PTPRD: variants seen among roughly 807,000 people sequenced by gnomAD.
PTPRD encodes the protein protein tyrosine phosphatase receptor type D.
PTPRD carries 34 observed loss-of-function variants against 214.5 expected under a neutral mutation model. The observed-to-expected ratio is 0.16, with a 90% confidence interval of 0.12 to 0.21. The LOEUF (loss-of-function observed/expected upper bound fraction) is 0.21. PTPRD is among the 10% of genes least tolerant of loss of function. The pLI is 1.00. For missense variants in PTPRD, 2,545 were observed against 2,398.7 expected, an observed-to-expected ratio of 1.06 and a Z score of -1.27; for synonymous variants, 1,128 against 845.7, an observed-to-expected ratio of 1.33 and a Z score of -5.79.
At chr9:10,267,956 A>C (rs892755978) in intron 3 of PTPRD, among the ~76,000 whole-genome samples, 2 of 152,118 alleles carry the variant, frequency 1.3e-5, no homozygotes, top group African/African-American at 4.8e-5. Context: ...AAATTTTGTC[A>C]AAATTTATGC....
At chr9:8,603,855 T>C (rs1048649556) in intron 14 of PTPRD, among the ~76,000 whole-genome samples, 1 of 152,152 alleles carries the variant, frequency 6.6e-6, no homozygotes, top group African/African-American at 2.4e-5. Context: ...AATCCCTTAA[T>C]GGAAAAGCCC....
At chr9:8,433,984 T>C (rs2095228772) in intron 35 of PTPRD, among the ~76,000 whole-genome samples, 2 of 126,296 alleles carry the variant, frequency 1.6e-5, no homozygotes, top group South Asian at 4.7e-4. Context: ...CATTTGTTTG[T>C]TTGCTTGTTT....
intron 39 of PTPRD, among the ~76,000 whole-genome samples, chr9:8,342,864 A>T (rs1352871738): frequency 6.6e-6 from 1 of 152,142 alleles, no homozygotes; most frequent in African/African-American, 2.4e-5. Flanking sequence ...AAGAAAAAGG[A>T]TGTATTAGTT....
At chr9:10,112,306 T>G (rs1313955020) in intron 3 of PTPRD, among the ~76,000 whole-genome samples, 1 of 152,214 alleles carries the variant, frequency 6.6e-6, no homozygotes, top group South Asian at 2.1e-4. Context: ...TCTTATTATC[T>G]TATCCATGGA....
At chr9:9,876,731 A>T (rs1221579635) in intron 5 of PTPRD, among the ~76,000 whole-genome samples, 2 of 152,108 alleles carry the variant, frequency 1.3e-5, no homozygotes, top group Non-Finnish European at 2.9e-5. Context: ...TCTATGTCAG[A>T]ATCATGCAAC....
chr9:9,436,977 C>G (rs556781780), intron 8 of PTPRD, among the ~76,000 whole-genome samples: 3 of 152,074 alleles, frequency 2.0e-5, no homozygotes, highest in East Asian at 1.9e-4. Flanking sequence ...TCTCTGACTA[C>G]TTTCTTCACC....
intron 8 of PTPRD, among the ~76,000 whole-genome samples, chr9:9,427,716 G>A (rs1001624998): frequency 7.2e-5 from 11 of 152,112 alleles, no homozygotes; most frequent in South Asian, 4.1e-4. Flanking sequence ...CTGATCTCTC[G>A]GCAGAAACTC....
At position 8,957,354 on chromosome 9, in the gene PTPRD, C is replaced by A. The variant is rs1255744424; in HGVS notation, c.-104+61343G>T. Among the ~76,000 whole-genome samples the A allele has an allele frequency of 2.0e-5, 3 of 151,750 alleles. No homozygotes were observed. In the East Asian group the frequency reaches 5.8e-4, roughly 29 times the overall value. ...CTTTCCAAGTTGAGAATGCTTTATT[C>A]CACAGCATGGATCTTCATTTTTTTT... On this transcript the variant is annotated intron_variant, in intron 11 of 45. Transcript: ENST00000381196.
rs550629429 is a variant in PTPRD at position 9,126,561 on chromosome 9, T to A, written c.-143+56743A>T. ...ACTTCTAAATAAAGATTCAAAACAT[T>A]TCAAATATTAAACAGTGAAATTAAT... On this transcript the variant is annotated intron_variant, in intron 10 of 45. Coordinates refer to ENST00000381196, the MANE Select transcript of PTPRD (RefSeq NM_002839.4). Among the ~76,000 whole-genome samples the A allele has an allele frequency of 2.5e-4, 38 of 152,322 alleles. 1 individual carries two copies. In the South Asian group the frequency reaches 7.5e-3, roughly 30 times the overall value.
At chr9:8,610,978 G>T (rs1595201854) in intron 14 of PTPRD, among the ~76,000 whole-genome samples, 1 of 151,982 alleles carries the variant, frequency 6.6e-6, no homozygotes, top group South Asian at 2.1e-4. Context: ...CAACCATTAT[G>T]GTTTTATATT....
chr9:9,562,651 C>G (rs982007368), intron 8 of PTPRD, among the ~76,000 whole-genome samples: 6 of 151,186 alleles, frequency 4.0e-5, no homozygotes, highest in Non-Finnish European at 7.4e-5. Flanking sequence ...CAATTAGACC[C>G]CTCTCCTTCA....
intron 9 of PTPRD, among the ~76,000 whole-genome samples, chr9:9,290,959 C>G (rs544159546): frequency 6.5e-4 from 99 of 151,422 alleles, no homozygotes; most frequent in African/African-American, 2.2e-3. Flanking sequence ...TCACTGAGCT[C>G]TAACCAAGAT....
intron 11 of PTPRD, among the ~76,000 whole-genome samples, chr9:8,989,083 A>G (rs2099356432): frequency 6.6e-6 from 1 of 151,880 alleles, no homozygotes; most frequent in Non-Finnish European, 1.5e-5. Flanking sequence ...CAGTTTTTTT[A>G]TTATTGCTAT....
intron 4 of PTPRD, among the ~76,000 whole-genome samples, chr9:10,031,647 T>TATATACACACACAC: frequency 1.1e-5 from 1 of 89,692 alleles, no homozygotes; most frequent in African/African-American, 8.1e-5. Context: ...TATATATATA[T>TATATACACACACAC]ACACACACAC....
intron 2 of PTPRD, among the ~76,000 whole-genome samples, chr9:10,484,073 A>G: frequency 6.6e-6 from 1 of 152,174 alleles, no homozygotes; most frequent in East Asian, 1.9e-4. Flanking sequence ...GTGTGTAAAC[A>G]TACACACACA....
chr9:8,421,626 G>T (rs1454350671), intron 35 of PTPRD, among the ~76,000 whole-genome samples: 1 of 152,068 alleles, frequency 6.6e-6, no homozygotes, highest in African/African-American at 2.4e-5. Context: ...TCTTGGCCTT[G>T]TACTCAAGCC....
At chr9:8,435,729 AC>A (rs1564792528) in intron 35 of PTPRD, among the ~76,000 whole-genome samples, 1 of 147,210 alleles carries the variant, frequency 6.8e-6, no homozygotes, top group Non-Finnish European at 1.5e-5. Context: ...ACACACACAC[AC>A]GCACGCACGT....
intron 3 of PTPRD, among the ~76,000 whole-genome samples, chr9:10,269,977 A>C (rs536627589): frequency 1.3e-5 from 2 of 152,116 alleles, no homozygotes; most frequent in Non-Finnish European, 2.9e-5. Context: ...ACAGAATAAA[A>C]TACTAAATGT....
At chr9:9,092,957 A>C (rs2154433126) in intron 10 of PTPRD, among the ~76,000 whole-genome samples, 1 of 152,184 alleles carries the variant, frequency 6.6e-6, no homozygotes, top group East Asian at 1.9e-4. Context: ...CTGTAAATAC[A>C]TGGACATAGC....
Sources: gnomAD v4.1 joint callset for allele counts (sites outside exome capture counted in the v4.1 genomes callset) on GRCh38, gnomAD v4.1.1 for gene constraint, MANE v1.5 for transcripts, NCBI Gene and HGNC (gene_info 2026-07-23, HGNC 2026-07-21) for gene names.